The following SLC5A7 variants were observed in gnomAD, a reference collection of about 807,000 sequenced individuals.
SLC5A7 encodes the protein solute carrier family 5 member 7.
SLC5A7 carries 19 observed loss-of-function variants against 55.4 expected under a neutral mutation model. The observed-to-expected ratio is 0.34, with a 90% CI of 0.24 to 0.50. The LOEUF is 0.50. Among genes scored for constraint, SLC5A7 ranks in the 20% least tolerant of loss-of-function variants. The pLI is 0.98. For missense variants in SLC5A7, 506 were observed against 705.3 expected, an observed-to-expected ratio of 0.72 and a Z score of 3.20; for synonymous variants, 265 against 263.7, an observed-to-expected ratio of 1.00 and a Z score of -0.05.
chr2:108,006,584 G>T lies in SLC5A7; in HGVS notation c.895+382G>T, dbSNP rs111865337. ...GTGAGCACACCCTCCTCCCAGTTTT[G>T]GTATATTTATCCATTGTTTATATGC... is the stretch of plus-strand genomic sequence containing the variant. On this transcript the variant is annotated intron_variant, in intron 7 of 8. Transcript: ENST00000264047. Among the ~76,000 whole-genome samples the T allele has an allele frequency of 7.8e-3, 1,190 of 151,850 alleles. 8 individuals are homozygous for T. The highest frequency in any genetic ancestry group is 0.029 in the South Asian group (138 of 4,804).
At chr2:107,995,341 A>G (rs1677624695) in intron 4 of SLC5A7, among the ~76,000 whole-genome samples, 3 of 152,222 alleles carry the variant, frequency 2.0e-5, no homozygotes, top group African/African-American at 4.8e-5. Context: ...TACCTAATCC[A>G]TGACTACATA....
chr2:107,997,506 AG>A (rs1208940318), intron 4 of SLC5A7, among the ~76,000 whole-genome samples: 2 of 152,190 alleles, frequency 1.3e-5, no homozygotes, highest in East Asian at 3.8e-4. Context: ...ATTGAGTCAG[AG>A]TTCCAGATAG....
chr2:108,005,712 C>G (rs989777743), intron 6 of SLC5A7, among the ~76,000 whole-genome samples: 1 of 152,140 alleles, frequency 6.6e-6, no homozygotes, highest in Non-Finnish European at 1.5e-5. Context: ...ATAGAAGGCA[C>G]CTTCTTGCTG....
Position 107,997,461 on chromosome 2 carries a change from C to T in SLC5A7, c.449-377C>T, listed in dbSNP as rs550758944. 2.4e-4 allele frequency among the ~76,000 whole-genome samples: 37 copies of T among 152,314 alleles called. 2 individuals are homozygous for T. The highest frequency in any genetic ancestry group is 7.2e-4 in the Admixed American group (11 of 15,300). On this transcript the variant is annotated intron_variant, in intron 4 of 8. Transcript: ENST00000264047. ...ACCTAACAACACATTTCTCAGAGCA[C>T]ATCCCTATTGGTAAGCAACACATGG...
At chr2:108,006,227 A>G (rs1171242099) in intron 7 of SLC5A7, 25 bp downstream of exon 7, 5 of 1,612,386 alleles carry the variant, frequency 3.1e-6, no homozygotes, top group Non-Finnish European at 4.2e-6. Flanking sequence ...GCTTCACCAC[A>G]TGTGCCAGTT....
At chr2:107,993,643 A>G (rs1311334461) in intron 4 of SLC5A7, among the ~76,000 whole-genome samples, 2 of 152,214 alleles carry the variant, frequency 1.3e-5, no homozygotes, top group Non-Finnish European at 2.9e-5. Flanking sequence ...TGCCATGTTA[A>G]TTGGCATAAA....
Position 107,997,957 on chromosome 2 carries a change from G to A in SLC5A7, c.568G>A (p.Val190Ile), listed in dbSNP as rs541031936. ...GLYSVAYTDVVQLFCIFVGLW... is the reference protein window; with the variant it reads ...GLYSVAYTDVIQLFCIFVGLW... ...CTATTCTGTGGCCTACACTGATGTC[G>A]TTCAGCTCTTTTGCATTTTTGTAGG... Residue 190 changes from valine (V) to isoleucine (I), a missense_variant, in exon 5 of 9, where the codon GTT (valine) becomes ATT (isoleucine). By Grantham distance (29) the Val-to-Ile change is conservative (BLOSUM62 3). Transcript: ENST00000264047. The A allele has an allele frequency of 1.1e-5, 17 of 1,612,678 alleles. No individual in the cohort carries two copies. The highest frequency in any genetic ancestry group is 1.0e-4 in the Admixed American group (6 of 59,812).
In SLC5A7 at chr2:108,006,049, A is replaced by T. The variant is rs1179221369; in HGVS notation, c.742A>T (p.Met248Leu). 6.2e-7 allele frequency: 1 copy of T among 1,614,068 alleles called. No individual in the cohort carries two copies. Among genetic ancestry groups the T allele is most frequent in the Non-Finnish European group, 8.5e-7 (1 of 1,179,946 alleles). The change falls in exon 7 of 9, where the codon ATG becomes TTG. Residue 248 changes from methionine to leucine, a missense_variant and splice_region_variant. Met to Leu is a conservative substitution (Grantham distance 15, BLOSUM62 2). Transcript: ENST00000264047. ...CTCCATCCTTGTGTTTCCCGCACAG[A>T]TGCTGGGTGGAATCCCATGGCAAGC... is the stretch of plus-strand genomic sequence containing the variant. ...YSWLDSFLLL[M>L]LGGIPWQAYF...
At chr2:107,994,398 A>T (rs947553399) in intron 4 of SLC5A7, among the ~76,000 whole-genome samples, 1 of 152,190 alleles carries the variant, frequency 6.6e-6, no homozygotes, top group African/African-American at 2.4e-5. Flanking sequence ...CCTGGCCAAC[A>T]TAGTGAAACC....
chr2:108,012,640 T>C lies in SLC5A7; in HGVS notation c.*1779T>C, dbSNP rs1678376891. On this transcript the variant is annotated 3_prime_UTR_variant, in exon 9 of 9. Transcript: ENST00000264047. ...CATTGCATTCAAAATCTTCACTGAA[T>C]ATCATATGTATCTAAATGAAAAGAG... is the stretch of plus-strand genomic sequence containing the variant. 6.6e-6 allele frequency: 1 copy of C among 152,130 alleles called. No individual in the cohort carries two copies. Among genetic ancestry groups the C allele is most frequent in the Non-Finnish European group, 1.5e-5 (1 of 68,014 alleles). 9.4% of individuals were successfully genotyped at this position (152,130 alleles called of 1,614,324 possible).
chr2:107,987,847 T>C lies in SLC5A7; in HGVS notation c.-51-258T>C, dbSNP rs560475018. 2.0e-5 allele frequency among the ~76,000 whole-genome samples: 3 copies of C among 152,360 alleles called. 1 individual carries two copies. Among genetic ancestry groups the C allele is most frequent in the African/African-American group, 7.2e-5 (3 of 41,584 alleles). ...AAAGCATGTATGAAACACACAAGGA[T>C]TATGATTCCATTTGTTAAACTACAT... On this transcript the variant is annotated intron_variant, in intron 1 of 8. Coordinates refer to ENST00000264047, the MANE Select transcript of SLC5A7 (RefSeq NM_021815.5).
At chr2:108,004,871 T>G (rs1009154934) in intron 6 of SLC5A7, among the ~76,000 whole-genome samples, 1 of 152,218 alleles carries the variant, frequency 6.6e-6, no homozygotes, top group East Asian at 1.9e-4. Context: ...GCAGCTACCC[T>G]TTCTCTCTTC....
chr2:108,002,474 G>T (rs1677951063), intron 6 of SLC5A7, among the ~76,000 whole-genome samples: 1 of 152,114 alleles, frequency 6.6e-6, no homozygotes, highest in African/African-American at 2.4e-5. Flanking sequence ...CCTAAGTGAG[G>T]CAGGTTGGAA....
At position 108,010,324 on chromosome 2, in the gene SLC5A7, G is replaced by A; in HGVS notation, c.1206G>A (p.Val402=). 6.2e-7 allele frequency: 1 copy of A among 1,613,950 alleles called. No individual in the cohort carries two copies. Among genetic ancestry groups the A allele is most frequent in the South Asian group, 1.1e-5 (1 of 91,084 alleles). ...ATAMALLTKT[V]YGLWYLSSDL... ...CCATGGCCTTGCTGACGAAAACTGT[G>A]TATGGGCTCTGGTACCTCAGTTCTG... is the stretch of plus-strand genomic sequence containing the variant. The change falls in exon 9 of 9, where the codon GTG becomes GTA. Residue 402 remains valine, a synonymous_variant. Coordinates refer to ENST00000264047, the MANE Select transcript of SLC5A7 (RefSeq NM_021815.5).
At chr2:107,994,099 G>A (rs333216) in intron 4 of SLC5A7, among the ~76,000 whole-genome samples, 47,803 of 152,046 alleles carry the variant, frequency 0.31, 7,951 homozygotes, top group African/African-American at 0.42. Flanking sequence ...GACCAGTTGA[G>A]ACTGTTGGAC....
Position 108,011,122 on chromosome 2 carries a change from C to A in SLC5A7, c.*261C>A. 1 of 311,876 alleles carries A rather than the reference C, an allele frequency of 3.2e-6. No individual in the cohort carries two copies. Among genetic ancestry groups the A allele is most frequent in the East Asian group, 5.2e-5 (1 of 19,280 alleles). The allele number at this position is 311,876 out of a possible 1,614,324, so 19.3% of individuals were successfully genotyped here. Reference sequence around the variant, plus strand: ...CTAGGTATAAAAAATAAGTAAAGTTCCACTTAGAGAACAAAGGGCCAAATA... The same window carrying A: ...CTAGGTATAAAAAATAAGTAAAGTTACACTTAGAGAACAAAGGGCCAAATA... On this transcript the variant is annotated 3_prime_UTR_variant, in exon 9 of 9. Transcript: ENST00000264047.
chr2:108,006,639 G>C (rs767721039), intron 7 of SLC5A7, among the ~76,000 whole-genome samples: 13 of 152,114 alleles, frequency 8.5e-5, no homozygotes, highest in Non-Finnish European at 1.8e-4. Context: ...CTCAACCAAG[G>C]TGCATGCTGA....
chr2:108,003,509 A>C (rs1348743184), intron 6 of SLC5A7, among the ~76,000 whole-genome samples: 1 of 152,226 alleles, frequency 6.6e-6, no homozygotes, highest in African/African-American at 2.4e-5. Context: ...TGAATGAACT[A>C]TAGAAATTGG....
At chr2:108,001,812 T>G (rs999030728) in intron 5 of SLC5A7, 85 bp from the exon 6 acceptor site, 1 of 1,437,620 alleles carries the variant, frequency 7.0e-7, no homozygotes, top group African/African-American at 1.4e-5. Flanking sequence ...TACTGAGCTG[T>G]GCAGTGTGTG....
Sources: allele counts gnomAD v4.1 joint callset (sites outside exome capture counted in the v4.1 genomes callset), GRCh38; gene constraint gnomAD v4.1.1; transcripts MANE v1.5; gene names NCBI Gene and HGNC (gene_info 2026-07-23, HGNC 2026-07-21).